Variants in ZFP28 observed in about 807,000 individuals in gnomAD.
ZFP28 encodes the protein ZFP28 zinc finger protein, also known as zinc finger protein 28 homolog.
ZFP28 carries 31 observed loss-of-function variants against 39.5 expected under a neutral mutation model. The ratio of observed to expected loss-of-function variants is 0.79; its 90% CI spans 0.59 to 1.06. The LOEUF (loss-of-function observed/expected upper bound fraction) is 1.06, where lower values mean the gene tolerates loss of function less well. ZFP28 is among the 50% of genes least tolerant of loss of function. The pLI is 0.00. For missense variants in ZFP28, 925 were observed against 1,048.4 expected, an observed-to-expected ratio of 0.88 and a Z score of 1.63; for synonymous variants, 400 against 378.6, an observed-to-expected ratio of 1.06 and a Z score of -0.66.
rs753151740 is a variant in ZFP28 at position 56,549,066 on chromosome 19, A to C, written c.632A>C (p.Glu211Ala). The change falls in exon 5 of 8, where the codon GAG becomes GCG. Residue 211 changes from glutamate (E) to alanine (A), a missense_variant. Transcript: ENST00000301318. ...ITERLTSYNLEYSLLGEHWDY... is the reference protein window; with the variant it reads ...ITERLTSYNLAYSLLGEHWDY... ...GAGAGACTCACAAGCTATAATCTGGAGTACTCTCTGTTAGGGGAACACTGG... is the reference window on the plus strand; with the variant it reads ...GAGAGACTCACAAGCTATAATCTGGCGTACTCTCTGTTAGGGGAACACTGG... 3.7e-6 allele frequency: 6 copies of C among 1,614,004 alleles called. No homozygotes were observed. Among genetic ancestry groups the C allele is most frequent in the Non-Finnish European group, 4.2e-6 (5 of 1,179,972 alleles).
In ZFP28 at chr19:56,539,184, A is replaced by G. The variant is rs2044169919; in HGVS notation, c.166A>G (p.Lys56Glu). 2 of 1,604,048 alleles carry G rather than the reference A, an allele frequency of 1.2e-6. No individual in the cohort carries two copies. Among genetic ancestry groups the G allele is most frequent in the African/African-American group, 1.3e-5 (1 of 74,960 alleles). ...GCGCTCAAGGAATGGCCTCGCATCC[A>G]AAGGCCAGCGAGGAGCGGCCCCTAC... is the stretch of plus-strand genomic sequence containing the variant. Reference protein sequence around the residue: ...RPRSRNGLASKGQRGAAPTGP... With the variant: ...RPRSRNGLASEGQRGAAPTGP... Residue 56 changes from lysine (K) to glutamate (E), a missense_variant, in exon 1 of 8, where the codon AAA becomes GAA. Transcript: ENST00000301318.
In ZFP28 at chr19:56,543,477, G is replaced by A. The variant is rs1241032362; in HGVS notation, c.300+3761G>A. Among the ~76,000 whole-genome samples, 9 of 151,654 alleles carry A rather than the reference G, an allele frequency of 5.9e-5. No individual in the cohort carries two copies. In the East Asian group the frequency reaches 1.7e-3, roughly 29 times the overall value. On this transcript the variant is annotated intron_variant, in intron 2 of 7. Transcript: ENST00000301318. ...GGCTATTTTCAGGCACAGTTATGGT[G>A]TACTACAGCCTCAAACTCCTGGGCT... is the stretch of plus-strand genomic sequence containing the variant.
Position 56,555,785 on chromosome 19 carries a change from A to C in ZFP28, c.*393A>C, listed in dbSNP as rs1010780005. On this transcript the variant is annotated 3_prime_UTR_variant, in exon 8 of 8. Coordinates refer to ENST00000301318, the MANE Select transcript of ZFP28 (RefSeq NM_020828.2). ...TTTTAAAACTTGATTCTATAATGCC[A>C]AGTTAGTTTTGTGGCTTTCCATCTG... The C allele has an allele frequency of 3.6e-5, 6 of 168,876 alleles. No homozygotes were observed. The Admixed American group carries it at 3.6e-4, about 10-fold the overall frequency. 10.5% of individuals were successfully genotyped at this position (168,876 alleles called of 1,614,324 possible). A position where few individuals can be genotyped will look rare whatever the true frequency, so the allele number is the denominator to read the frequency against.
In ZFP28 at chr19:56,547,639, G is replaced by A. The variant is rs1261657593; in HGVS notation, c.427+5G>A. ...ACAGGAACCTGGCATCGCTGGGTAA[G>A]GGCTCCCACCCCTTTTCCCACCCCT... On this transcript the variant is annotated splice_donor_5th_base_variant and intron_variant, in intron 3 of 7. Transcript: ENST00000301318. This position sits in a 1 kb window ranked among gnomAD's most constrained non-coding sequence, Gnocchi z 4.6. The A allele has an allele frequency of 1.0e-5, 16 of 1,605,564 alleles. No homozygotes were observed. The highest frequency in any genetic ancestry group is 1.3e-5 in the Non-Finnish European group (15 of 1,175,390).
In ZFP28 at chr19:56,544,912, A is replaced by G. The variant is rs547784045; in HGVS notation, c.301-2596A>G. On this transcript the variant is annotated intron_variant, in intron 2 of 7. Coordinates refer to ENST00000301318, the MANE Select transcript of ZFP28 (RefSeq NM_020828.2). Reference sequence around the variant, plus strand: ...TATATTGCTAACGTTGGGTCCCTCTACGTGATTACATTGAAGGCATTTAAC... The same window carrying G: ...TATATTGCTAACGTTGGGTCCCTCTGCGTGATTACATTGAAGGCATTTAAC... Among the ~76,000 whole-genome samples, 7 of 152,322 alleles carry G rather than the reference A, an allele frequency of 4.6e-5. No individual in the cohort carries two copies. In the South Asian group the frequency reaches 1.4e-3, roughly 32 times the overall value.
chr19:56,550,381 C>G, intron 6 of ZFP28, 129 bp from the exon 7 acceptor site: 1 of 908,594 alleles, frequency 1.1e-6, no homozygotes, highest in Non-Finnish European at 1.7e-6. Flanking sequence ...CTTCTTGTGT[C>G]TTTCAGATCC....
intron 2 of ZFP28, among the ~76,000 whole-genome samples, chr19:56,542,047 A>G (rs990098350): frequency 1.3e-5 from 2 of 151,722 alleles, no homozygotes; most frequent in African/African-American, 4.8e-5. Flanking sequence ...TTTTCAACAT[A>G]CTATATACAG....
At chr19:56,550,204 T>C in intron 6 of ZFP28, 23 bp downstream of exon 6, 1 of 1,585,628 alleles carries the variant, frequency 6.3e-7, no homozygotes, top group Non-Finnish European at 8.6e-7. Flanking sequence ...CTCTCCCATA[T>C]TTGAATCTAT....
chr19:56,541,897 T>C, intron 2 of ZFP28, among the ~76,000 whole-genome samples: 1 of 125,130 alleles, frequency 8.0e-6, no homozygotes, highest in African/African-American at 2.7e-5. Flanking sequence ...TTTTTTTTTT[T>C]TTTTTTTTTT....
In ZFP28 at chr19:56,554,314, G is replaced by T; in HGVS notation, c.1529G>T (p.Cys510Phe). 1 of 1,614,170 alleles carries T rather than the reference G, an allele frequency of 6.2e-7. No homozygotes were observed. The highest frequency in any genetic ancestry group is 8.5e-7 in the Non-Finnish European group (1 of 1,180,030). Reference sequence around the variant, plus strand: ...GAGAAACCCTTTGATTGCATCGATTGTGGGAAAGCCTTCAGTGACCACATA... The same window carrying T: ...GAGAAACCCTTTGATTGCATCGATTTTGGGAAAGCCTTCAGTGACCACATA... Reference protein sequence around the residue: ...TGEKPFDCIDCGKAFSDHIGL... With the variant: ...TGEKPFDCIDFGKAFSDHIGL... Residue 510 changes from cysteine (C) to phenylalanine (F), a missense_variant, in exon 8 of 8, where the codon TGT becomes TTT. By Grantham distance (205) the Cys-to-Phe change is radical (BLOSUM62 -2). Coordinates refer to ENST00000301318, the MANE Select transcript of ZFP28 (RefSeq NM_020828.2). The surrounding 1 kb of genome is among the most constrained non-coding windows in gnomAD (Gnocchi z 6.7).
At chr19:56,550,716 C>G in intron 7 of ZFP28, 111 bp downstream of exon 7, 1 of 1,574,938 alleles carries the variant, frequency 6.3e-7, no homozygotes. Flanking sequence ...CCCAGGGTCT[C>G]TGGGTCTGGA....
intron 5 of ZFP28, 145 bp from the exon 6 acceptor site, chr19:56,549,922 A>G: frequency 1.6e-6 from 1 of 611,420 alleles, no homozygotes; most frequent in Admixed American, 2.9e-5. Context: ...AAGCCCTGTC[A>G]TTATTTGACC....
intron 7 of ZFP28, chr19:56,551,738 T>C: frequency 1.0e-6 from 1 of 984,034 alleles, no homozygotes; most frequent in Non-Finnish European, 1.2e-6. Flanking sequence ...ATTATTCTTT[T>C]TTTATGAAAG....
rs2044268337 is a variant in ZFP28 at position 56,548,993 on chromosome 19, C to T, written c.559C>T (p.Leu187Phe). The T allele has an allele frequency of 1.2e-6, 2 of 1,614,042 alleles. No homozygotes were observed. The highest frequency in any genetic ancestry group is 1.7e-6 in the Non-Finnish European group (2 of 1,179,984). Residue 187 changes from leucine (L) to phenylalanine (F), a missense_variant, in exon 5 of 8, where the codon CTC becomes TTC. By Grantham distance (22) the Leu-to-Phe change is conservative. This residue lies in a region of ZFP28 where 556 missense variants were observed against 542.9 expected (regional missense o/e 1.02). Transcript: ENST00000301318. ...TGTGTGGAAGATCAAGGAGTTACCT[C>T]TCAAGAAGGACTTCTGCGAAGGAAA... ...KAVWKIKELP[L>F]KKDFCEGKLS...
At position 56,547,270 on chromosome 19, in the gene ZFP28, TC is replaced by T. The variant is rs2044250491; in HGVS notation, c.301-236del. On this transcript the variant is annotated intron_variant, in intron 2 of 7. Transcript: ENST00000301318. The surrounding 1 kb of genome is among the most constrained non-coding windows in gnomAD (Gnocchi z 4.6). Reference sequence around the variant, plus strand: ...TGTGCCTGCACACCGTGGTATCTCTTCCTGTTTTAATAAGGACACCAGACAG... The same window carrying T: ...TGTGCCTGCACACCGTGGTATCTCTTCTGTTTTAATAAGGACACCAGACAG... 5 of 530,604 alleles carry T rather than the reference TC, an allele frequency of 9.4e-6. No individual in the cohort carries two copies. The East Asian group carries it at 1.7e-4, about 18-fold the overall frequency. 32.9% of individuals were successfully genotyped at this position (530,604 alleles called of 1,614,324 possible).
intron 2 of ZFP28, among the ~76,000 whole-genome samples, chr19:56,541,446 G>A (rs1413137286): frequency 6.6e-6 from 1 of 152,010 alleles, no homozygotes; most frequent in Admixed American, 6.6e-5. Flanking sequence ...TTCTGCTCAC[G>A]CTCCCCACAG....
chr19:56,538,864 G>T (rs2044163253), upstream of ZFP28: 1 of 419,974 alleles, frequency 2.4e-6, no homozygotes, highest in East Asian at 7.0e-5. Context: ...GCGGGGCGCG[G>T]CCGGGGGCGG....
intron 6 of ZFP28, 123 bp from the exon 7 acceptor site, chr19:56,550,387 G>T (rs1371296047): frequency 7.5e-6 from 7 of 936,888 alleles, no homozygotes; most frequent in African/African-American, 1.6e-5. Context: ...GTGTCTTTCA[G>T]ATCCTACTCA....
At chr19:56,539,760 T>A in intron 2 of ZFP28, 44 bp downstream of exon 2, 1 of 1,550,000 alleles carries the variant, frequency 6.5e-7, no homozygotes, top group Non-Finnish European at 8.9e-7. Flanking sequence ...GCAGTCTTGC[T>A]TTTCGGGACT....
Sources: allele counts gnomAD v4.1 joint callset (sites outside exome capture counted in the v4.1 genomes callset), GRCh38; gene constraint gnomAD v4.1.1; regional missense constraint gnomAD v4.1.1; non-coding constraint Gnocchi (gnomAD v3.1); transcripts MANE v1.5; gene names NCBI Gene and HGNC (gene_info 2026-07-23, HGNC 2026-07-21).